Variants in UGT1A7 observed in about 807,000 individuals in gnomAD.
UGT1A7 encodes UDP glucuronosyltransferase family 1 member A7.
A neutral mutation model predicts 45.6 loss-of-function variants in UGT1A7; 33 were observed. The observed-to-expected ratio is 0.72, with a 90% CI of 0.55 to 0.97. UGT1A7 has a LOEUF of 0.97. Ranked by LOEUF, UGT1A7 falls within the 50% of genes least tolerant of loss-of-function variation. The probability of loss-of-function intolerance (pLI) is 0.00; values close to 1 mark genes in which losing one functional copy is unlikely to be tolerated. For synonymous variants in UGT1A7, 274 were observed against 250.6 expected (o/e 1.09, Z -0.88); for missense variants, 684 against 666.2 (o/e 1.03, Z -0.29).
intron 1 of UGT1A7, among the ~76,000 whole-genome samples, chr2:233,761,736 C>T (rs111883427): frequency 6.5e-4 from 99 of 152,322 alleles, no homozygotes; most frequent in African/African-American, 2.3e-3. Flanking sequence ...TATTTTTCCC[C>T]TACAGAGTTT....
intron 1 of UGT1A7, chr2:233,713,808 A>T: frequency 6.2e-7 from 1 of 1,614,048 alleles, no homozygotes; most frequent in African/African-American, 1.3e-5. Flanking sequence ...CATGCCCAAC[A>T]TGGTCTTCAT....
At chr2:233,719,495 T>C (rs749585950) in intron 1 of UGT1A7, 5 of 1,613,994 alleles carry the variant, frequency 3.1e-6, no homozygotes, top group Non-Finnish European at 4.2e-6. Context: ...ACATTTGCCA[T>C]ACTTTTTCTG....
chr2:233,748,732 T>A (rs1233122564), intron 1 of UGT1A7, among the ~76,000 whole-genome samples: 1 of 151,606 alleles, frequency 6.6e-6, no homozygotes, highest in East Asian at 1.9e-4. Context: ...TGTGGGGACA[T>A]CTCAGAGTTC....
At chr2:233,747,916 C>A in intron 1 of UGT1A7, 1 of 1,613,518 alleles carries the variant, frequency 6.2e-7, no homozygotes, top group South Asian at 1.1e-5. Context: ...GCAAGCCTTG[C>A]CTCTGAGCTT....
intron 1 of UGT1A7, chr2:233,692,779 C>A: frequency 7.6e-7 from 1 of 1,320,382 alleles, no homozygotes; most frequent in Non-Finnish European, 9.8e-7. Flanking sequence ...CACCCAGAAG[C>A]TCAGGTGAAA....
chr2:233,684,222 C>T (rs1240713446), intron 1 of UGT1A7, among the ~76,000 whole-genome samples: 2 of 152,110 alleles, frequency 1.3e-5, no homozygotes, highest in Non-Finnish European at 2.9e-5. Flanking sequence ...GAAAATGCAA[C>T]CAAGCGCTTT....
At chr2:233,733,336 C>T (rs185739129) in intron 1 of UGT1A7, among the ~76,000 whole-genome samples, 4 of 152,264 alleles carry the variant, frequency 2.6e-5, no homozygotes, top group Admixed American at 2.6e-4. Context: ...CCAGAACTTC[C>T]AACAGTATGT....
At chr2:233,729,623 C>T (rs142986334) in intron 1 of UGT1A7, 391 of 1,613,794 alleles carry the variant, frequency 2.4e-4, no homozygotes, top group Non-Finnish European at 3.1e-4. Context: ...AAGTACCTGT[C>T]GATTCCTACT....
At chr2:233,745,324 G>C (rs1405359203) in intron 1 of UGT1A7, among the ~76,000 whole-genome samples, 1 of 151,812 alleles carries the variant, frequency 6.6e-6, no homozygotes, top group African/African-American at 2.4e-5. Flanking sequence ...CACTAGAACT[G>C]CTATATCATG....
At chr2:233,691,742 C>T in intron 1 of UGT1A7, 1 of 642,200 alleles carries the variant, frequency 1.6e-6, no homozygotes, top group South Asian at 6.9e-5. Flanking sequence ...AAGCAGATAC[C>T]AGGCTTTCTG....
chr2:233,683,362 A>C (rs1450754793), intron 1 of UGT1A7, among the ~76,000 whole-genome samples: 1 of 152,148 alleles, frequency 6.6e-6, no homozygotes, highest in Non-Finnish European at 1.5e-5. Context: ...TTTGGATGCA[A>C]TGTAGTTTTC....
chr2:233,693,756 C>G, intron 1 of UGT1A7: 1 of 1,614,248 alleles, frequency 6.2e-7, no homozygotes, highest in Non-Finnish European at 8.5e-7. Flanking sequence ...CAGAAGGTCT[C>G]TGTTTGGCTG....
intron 1 of UGT1A7, chr2:233,743,571 C>T: frequency 7.3e-7 from 1 of 1,367,316 alleles, no homozygotes; most frequent in African/African-American, 1.5e-5. Flanking sequence ...AGCGGGTTTC[C>T]CAAGAGGTCA....
intron 1 of UGT1A7, chr2:233,718,723 T>C (rs1350568030): frequency 1.2e-6 from 2 of 1,610,130 alleles, no homozygotes; most frequent in African/African-American, 2.7e-5. Context: ...CATGCTGATT[T>C]GCTAGGTGGC....
At chr2:233,717,172 G>A (rs557885764) in intron 1 of UGT1A7, among the ~76,000 whole-genome samples, 1 of 152,170 alleles carries the variant, frequency 6.6e-6, no homozygotes, top group Non-Finnish European at 1.5e-5. Context: ...CTTGAATGTG[G>A]CAAGAGCACC....
intron 1 of UGT1A7, among the ~76,000 whole-genome samples, chr2:233,751,389 A>G (rs557117107): frequency 6.6e-6 from 1 of 152,256 alleles, no homozygotes; most frequent in Admixed American, 6.5e-5. Context: ...CTTGTCTCAG[A>G]TAAGACTTTG....
In UGT1A7 at chr2:233,760,331, T is replaced by G. The variant is rs111033541; in HGVS notation, c.856-6703T>G. ...GGCGGACGCCCACTTGTCCTGGGCCTGCTGCTGTGTGTGCTGGGCCCAGTG... is the reference window on the plus strand; with the variant it reads ...GGCGGACGCCCACTTGTCCTGGGCCGGCTGCTGTGTGTGCTGGGCCCAGTG... On this transcript the variant is annotated intron_variant, in intron 1 of 4. Transcript: ENST00000373426. 1.9e-6 allele frequency: 3 copies of G among 1,614,080 alleles called. No individual in the cohort carries two copies. Among genetic ancestry groups the G allele is most frequent in the Non-Finnish European group, 2.5e-6 (3 of 1,179,954 alleles).
chr2:233,691,742 C>A, intron 1 of UGT1A7: 1 of 642,198 alleles, frequency 1.6e-6, no homozygotes, highest in Non-Finnish European at 1.9e-6. Flanking sequence ...AAGCAGATAC[C>A]AGGCTTTCTG....
intron 1 of UGT1A7, among the ~76,000 whole-genome samples, chr2:233,728,329 C>T (rs541948735): frequency 6.6e-6 from 1 of 152,154 alleles, no homozygotes; most frequent in Admixed American, 6.5e-5. Flanking sequence ...GGCTCCAGCT[C>T]CCCCAGTCCC....
Sources: gnomAD v4.1 joint callset for allele counts (sites outside exome capture counted in the v4.1 genomes callset) on GRCh38, gnomAD v4.1.1 for gene constraint, MANE v1.5 for transcripts, NCBI Gene and HGNC (gene_info 2026-07-23, HGNC 2026-07-21) for gene names.